TASP1: variants seen among roughly 807,000 people sequenced by gnomAD.
TASP1 encodes threonine aspartase 1.
TASP1 carries 16 observed loss-of-function variants against 56.6 expected under a neutral mutation model. The ratio of observed to expected loss-of-function variants is 0.28; its 90% CI spans 0.19 to 0.43. The LOEUF is 0.43. Ranked by LOEUF, TASP1 falls within the 20% of genes least tolerant of loss-of-function variation. The pLI is 1.00. For synonymous variants in TASP1, 179 were observed against 184.2 expected, an observed-to-expected ratio of 0.97 and a Z score of 0.23; for missense variants, 393 against 511.6, an observed-to-expected ratio of 0.77 and a Z score of 2.24.
chr20:13,298,391 C>G, the TASP1 span, among the ~76,000 whole-genome samples: 1 of 152,182 alleles, frequency 6.6e-6, no homozygotes, highest in African/African-American at 2.4e-5. Context: ...GCTGGGATTA[C>G]AGGCATATGC....
the TASP1 span, among the ~76,000 whole-genome samples, chr20:13,186,773 G>T: frequency 6.6e-6 from 1 of 152,212 alleles, no homozygotes; most frequent in East Asian, 1.9e-4. Flanking sequence ...TTTCTAGCCA[G>T]ACTAATAAAA....
the TASP1 span, among the ~76,000 whole-genome samples, chr20:13,376,383 G>A: frequency 1.3e-5 from 2 of 152,126 alleles, no homozygotes; most frequent in Non-Finnish European, 2.9e-5. Context: ...TCAGATGGTT[G>A]TAGATGTGTG....
chr20:13,279,720 C>A, the TASP1 span: 2 of 1,613,878 alleles, frequency 1.2e-6, no homozygotes, highest in African/African-American at 1.3e-5. Context: ...CAGTCCCATC[C>A]CCCGACTGGC....
At chr20:13,263,965 TTTTTG>T in the TASP1 span, among the ~76,000 whole-genome samples, 1 of 150,224 alleles carries the variant, frequency 6.7e-6, no homozygotes, top group South Asian at 2.1e-4. Flanking sequence ...TCCTAGGGTT[TTTTTG>T]TTTTTCTTTA....
the TASP1 span, among the ~76,000 whole-genome samples, chr20:13,164,115 T>C: frequency 6.6e-6 from 1 of 152,156 alleles, no homozygotes; most frequent in African/African-American, 2.4e-5. Flanking sequence ...CCATGTGTTC[T>C]CAGAAAATGA....
chr20:13,187,352 T>C, the TASP1 span, among the ~76,000 whole-genome samples: 1 of 151,472 alleles, frequency 6.6e-6, no homozygotes, highest in Non-Finnish European at 1.5e-5. Flanking sequence ...TTACAGACAC[T>C]AAACCATAGA....
At chr20:13,581,330 T>C (rs892963839) in intron 5 of TASP1, among the ~76,000 whole-genome samples, 1 of 152,206 alleles carries the variant, frequency 6.6e-6, no homozygotes, top group Non-Finnish European at 1.5e-5. Context: ...TATGGTACTA[T>C]CTTACTATCA....
chr20:13,321,252 A>AT, the TASP1 span, among the ~76,000 whole-genome samples: 221 of 96,936 alleles, frequency 2.3e-3, 3 homozygotes, highest in African/African-American at 8.6e-3. Flanking sequence ...TGTGCCCCAC[A>AT]TAAAAAAAAA....
intron 5 of TASP1, among the ~76,000 whole-genome samples, chr20:13,584,218 G>A (rs1208902781): frequency 1.3e-5 from 2 of 152,082 alleles, no homozygotes; most frequent in African/African-American, 4.8e-5. Context: ...AGAAAAAAAT[G>A]CATTCAAGAG....
At chr20:13,187,848 C>T in the TASP1 span, among the ~76,000 whole-genome samples, 472 of 151,488 alleles carry the variant, frequency 3.1e-3, 2 homozygotes, top group African/African-American at 0.011. Flanking sequence ...CTCATCAGAA[C>T]CATAAAAGCA....
the TASP1 span, among the ~76,000 whole-genome samples, chr20:13,325,950 C>G: frequency 2.6e-5 from 4 of 152,208 alleles, no homozygotes; most frequent in African/African-American, 7.2e-5. Flanking sequence ...GTAGTCCTAT[C>G]TTACCACCTC....
At chr20:13,613,572 C>A (rs1336471521) in intron 4 of TASP1, among the ~76,000 whole-genome samples, 1 of 151,902 alleles carries the variant, frequency 6.6e-6, no homozygotes, top group Non-Finnish European at 1.5e-5. Context: ...GAAAAAAAGG[C>A]ACATGAGATT....
At chr20:13,624,820 T>C (rs1272965020) in intron 3 of TASP1, among the ~76,000 whole-genome samples, 4 of 151,494 alleles carry the variant, frequency 2.6e-5, no homozygotes, top group Admixed American at 6.5e-5. Flanking sequence ...AAAGTACCCA[T>C]TTTAATTTTT....
the TASP1 span, among the ~76,000 whole-genome samples, chr20:13,184,140 G>A: frequency 6.6e-6 from 1 of 151,974 alleles, no homozygotes; most frequent in Non-Finnish European, 1.5e-5. Flanking sequence ...TTCACTAGGT[G>A]CCAAGCACTG....
At chr20:13,218,787 T>C in the TASP1 span, among the ~76,000 whole-genome samples, 1 of 152,186 alleles carries the variant, frequency 6.6e-6, no homozygotes, top group African/African-American at 2.4e-5. Flanking sequence ...AGCGTGGGTG[T>C]TTATCAATAC....
intron 13 of TASP1, among the ~76,000 whole-genome samples, chr20:13,413,577 C>T (rs1299479323): frequency 6.6e-6 from 1 of 151,964 alleles, no homozygotes; most frequent in Non-Finnish European, 1.5e-5. Flanking sequence ...GAGAAAAAGG[C>T]AATAGTTTGG....
the TASP1 span, among the ~76,000 whole-genome samples, chr20:13,227,381 T>G: frequency 6.6e-6 from 1 of 151,418 alleles, no homozygotes; most frequent in Non-Finnish European, 1.5e-5. Flanking sequence ...TTTTTTGTAT[T>G]TTTAGTGGAG....
At chr20:13,560,645 A>G (rs1047956749) in intron 7 of TASP1, among the ~76,000 whole-genome samples, 1 of 152,216 alleles carries the variant, frequency 6.6e-6, no homozygotes, top group African/African-American at 2.4e-5. Flanking sequence ...GAAGGTAGAG[A>G]AAAAGAAAGA....
chr20:13,459,244 C>T (rs1365187142), intron 11 of TASP1, among the ~76,000 whole-genome samples: 1 of 152,076 alleles, frequency 6.6e-6, no homozygotes, highest in African/African-American at 2.4e-5. Context: ...TGTGATTTCC[C>T]AGTAACATCA....
Sources: gnomAD v4.1 joint callset for allele counts (sites outside exome capture counted in the v4.1 genomes callset) on GRCh38, gnomAD v4.1.1 for gene constraint, MANE v1.5 for transcripts, NCBI Gene and HGNC (gene_info 2026-07-23, HGNC 2026-07-21) for gene names.